The following WNK2 variants were observed in gnomAD, a reference collection of about 807,000 sequenced individuals.
WNK2 encodes the protein WNK lysine deficient protein kinase 2.
Under a neutral mutation model 192.1 loss-of-function variants are expected in WNK2, and 67 were observed. That is an observed-to-expected ratio of 0.35 (90% CI 0.29 to 0.43). The LOEUF (loss-of-function observed/expected upper bound fraction) is 0.43, where lower values mean the gene tolerates loss of function less well. Among genes scored for constraint, WNK2 ranks in the 20% least tolerant of loss-of-function variants. WNK2 has a pLI of 1.00. For missense variants in WNK2, 2,698 were observed against 3,089.7 expected (o/e 0.87, Z 3.01); for synonymous variants, 1,439 against 1,393.9 (o/e 1.03, Z -0.72).
Position 93,185,375 on chromosome 9 carries a change from C to T in WNK2, c.446C>T (p.Ala149Val), listed in dbSNP as rs774197543. 3 of 1,582,440 alleles carry T rather than the reference C, an allele frequency of 1.9e-6. No individual in the cohort carries two copies. Among genetic ancestry groups the T allele is most frequent in the African/African-American group, 1.3e-5 (1 of 74,244 alleles). Residue 149 changes from alanine to valine, a missense_variant, in exon 2 of 30, where the codon GCG becomes GTG. Around this residue, in one of 7 missense-constraint regions of WNK2, gnomAD observed 260 missense variants for 285.6 expected, o/e 0.91. Transcript: ENST00000427277. Reference sequence around the variant, plus strand: ...GGCGGCCCCAGGGAGGAGGCGGCGGCGACCGTGAGGAAGGAGGATGAGGGG... The same window carrying T: ...GGCGGCCCCAGGGAGGAGGCGGCGGTGACCGTGAGGAAGGAGGATGAGGGG... Reference protein sequence around the residue: ...PDGGPREEAAATVRKEDEGAA... With the variant: ...PDGGPREEAAVTVRKEDEGAA...
intron 9 of WNK2, among the ~76,000 whole-genome samples, chr9:93,254,073 C>T (rs757341005): frequency 3.9e-5 from 6 of 152,186 alleles, no homozygotes; most frequent in Admixed American, 1.3e-4. Flanking sequence ...CGCGCCACCA[C>T]GCCCAGCTAA....
intron 28 of WNK2, among the ~76,000 whole-genome samples, chr9:93,314,186 G>A (rs1408023214): frequency 6.6e-6 from 1 of 152,206 alleles, no homozygotes; most frequent in Non-Finnish European, 1.5e-5. Context: ...GGAGGCTGAG[G>A]CAGGAGAATC....
intron 2 of WNK2, among the ~76,000 whole-genome samples, chr9:93,203,080 T>G (rs1587844333): frequency 1.4e-5 from 2 of 140,178 alleles, no homozygotes; most frequent in East Asian, 2.1e-4. Context: ...CCTTGTGGGG[T>G]GGGGCAGTGA....
Position 93,256,350 on chromosome 9 carries a change from C to A in WNK2, c.2086C>A (p.Gln696Lys), listed in dbSNP as rs766771815. 1.9e-6 allele frequency: 3 copies of A among 1,586,210 alleles called. No homozygotes were observed. Among genetic ancestry groups the A allele is most frequent in the Non-Finnish European group, 2.6e-6 (3 of 1,172,564 alleles). ...GGCCCCCGCCTGCCCTCCGTCCCTC[C>A]AGCAGCACTTCCCGGATCCGGCCAT... ...VPAPACPPSL[Q>K]QHFPDPAMSF... Residue 696 changes from glutamine (Q) to lysine (K), a missense_variant, in exon 10 of 30, where the codon CAG becomes AAG. Around this residue, in one of 7 missense-constraint regions of WNK2, gnomAD observed 893 missense variants for 909.0 expected, o/e 0.98. Coordinates refer to ENST00000427277, the MANE Select transcript of WNK2 (RefSeq NM_006648.4).
chr9:93,201,114 C>T (rs1168510982), intron 2 of WNK2, among the ~76,000 whole-genome samples: 1 of 152,160 alleles, frequency 6.6e-6, no homozygotes, highest in Non-Finnish European at 1.5e-5. Context: ...GTCCTGGTAC[C>T]ACCCATCCTT....
In WNK2 at chr9:93,264,111, A is replaced by G. The variant is rs74768051; in HGVS notation, c.3696+78A>G. 4,432 of 1,131,768 alleles carry G rather than the reference A, an allele frequency of 3.9e-3. 81 individuals are homozygous for G. In the East Asian group the frequency reaches 0.042, roughly 11 times the overall value. 70.1% of individuals were successfully genotyped at this position (1,131,768 alleles called of 1,614,324 possible). On this transcript the variant is annotated intron_variant, in intron 16 of 29. Coordinates refer to ENST00000427277, the MANE Select transcript of WNK2 (RefSeq NM_006648.4). ...GCCTGAGCAGAGCGCCACAGGTCACATGTCGAGCCTGGCCTTGTGTGGAGG... is the reference window on the plus strand; with the variant it reads ...GCCTGAGCAGAGCGCCACAGGTCACGTGTCGAGCCTGGCCTTGTGTGGAGG...
At chr9:93,246,901 G>C (rs969779307) in intron 7 of WNK2, among the ~76,000 whole-genome samples, 1 of 152,194 alleles carries the variant, frequency 6.6e-6, no homozygotes, top group Non-Finnish European at 1.5e-5. Flanking sequence ...CCTTCAAAAG[G>C]GATCTCTTTT....
intron 2 of WNK2, among the ~76,000 whole-genome samples, chr9:93,206,959 C>T (rs1833504904): frequency 6.6e-6 from 1 of 152,154 alleles, no homozygotes; most frequent in African/African-American, 2.4e-5. Context: ...GACTCCCTGG[C>T]CCTGTCTCTT....
chr9:93,287,487 G>A (rs367643104), intron 19 of WNK2, among the ~76,000 whole-genome samples: 2 of 152,150 alleles, frequency 1.3e-5, no homozygotes, highest in African/African-American at 4.8e-5. Flanking sequence ...TCACAAACAC[G>A]GTGAGAGAGG....
chr9:93,190,037 T>G (rs1323841602), intron 2 of WNK2, among the ~76,000 whole-genome samples: 2 of 152,230 alleles, frequency 1.3e-5, no homozygotes, highest in East Asian at 3.8e-4. Context: ...CTGAAGTGCT[T>G]AATTTTATTG....
At chr9:93,309,993 G>A (rs1209979846) in intron 28 of WNK2, among the ~76,000 whole-genome samples, 4 of 152,232 alleles carry the variant, frequency 2.6e-5, no homozygotes, top group African/African-American at 9.6e-5. Flanking sequence ...GTTTTCGTGT[G>A]GCTGCACTGT....
Position 93,267,847 on chromosome 9 carries a change from C to A in WNK2, c.3798C>A (p.Asp1266Glu). 1 of 1,612,010 alleles carries A rather than the reference C, an allele frequency of 6.2e-7. No homozygotes were observed. Among genetic ancestry groups the A allele is most frequent in the Non-Finnish European group, 8.5e-7 (1 of 1,179,266 alleles). ...AGGACATGCTCAGCGAGGACACAGACGCCGACCGTGGCTCCGACCCAGGGA... is the reference window on the plus strand; with the variant it reads ...AGGACATGCTCAGCGAGGACACAGAAGCCGACCGTGGCTCCGACCCAGGGA... ...KAEDMLSEDT[D>E]ADRGSDPGTS... Residue 1266 changes from aspartate (D) to glutamate (E), a missense_variant, in exon 17 of 30, where the codon GAC becomes GAA. By Grantham distance (45) the Asp-to-Glu change is conservative. This residue lies in a region of WNK2 where 1,098 missense variants were observed against 1,101.0 expected (regional missense o/e 1.00). Transcript: ENST00000427277.
In WNK2 at chr9:93,292,415, C is replaced by T. The variant is rs1299271800; in HGVS notation, c.5025+19C>T. The stretch of plus-strand genomic sequence containing the variant: ...CCCCCAGGTAAGGGCGACTTGACGA[C>T]CCCCTGGCTGGTTGGCAGGGTTTGC... On this transcript the variant is annotated intron_variant, in intron 22 of 29. Coordinates refer to ENST00000427277, the MANE Select transcript of WNK2 (RefSeq NM_006648.4). 6.2e-7 allele frequency: 1 copy of T among 1,613,830 alleles called. No individual in the cohort carries two copies. The highest frequency in any genetic ancestry group is 8.5e-7 in the Non-Finnish European group (1 of 1,179,792).
chr9:93,233,317 C>T (rs1273445325), intron 4 of WNK2, among the ~76,000 whole-genome samples: 2 of 152,142 alleles, frequency 1.3e-5, no homozygotes, highest in Non-Finnish European at 2.9e-5. Flanking sequence ...CCTGTTGTTT[C>T]TCATGGGTTC....
chr9:93,267,973 G>A (rs1277934160), intron 17 of WNK2, 47 bp from the exon 18 acceptor site: 6 of 1,606,510 alleles, frequency 3.7e-6, no homozygotes, highest in Admixed American at 1.7e-5. Context: ...TGGGCAGGTG[G>A]GCGCTGCAGC....
chr9:93,203,947 T>C (rs1832924091), intron 2 of WNK2, among the ~76,000 whole-genome samples: 1 of 152,098 alleles, frequency 6.6e-6, no homozygotes, highest in Admixed American at 6.5e-5. Flanking sequence ...TCCCGAGGGC[T>C]TCCTAGACAA....
chr9:93,232,331 G>A (rs1184365251), intron 4 of WNK2, among the ~76,000 whole-genome samples: 1 of 152,184 alleles, frequency 6.6e-6, no homozygotes, highest in Non-Finnish European at 1.5e-5. Flanking sequence ...GTGGTGGAGC[G>A]TAGGGGCTGA....
At chr9:93,198,211 C>G (rs1300402144) in intron 2 of WNK2, among the ~76,000 whole-genome samples, 3 of 152,214 alleles carry the variant, frequency 2.0e-5, no homozygotes, top group Non-Finnish European at 4.4e-5. Flanking sequence ...CTCAGGATCG[C>G]CCAGCTCCCT....
intron 7 of WNK2, among the ~76,000 whole-genome samples, chr9:93,245,194 G>A (rs187726665): frequency 2.6e-3 from 401 of 152,284 alleles, no homozygotes; most frequent in African/African-American, 9.1e-3. Context: ...TATTTTCCAC[G>A]AACCATTTGA....
Sources: gnomAD v4.1 joint callset for allele counts (sites outside exome capture counted in the v4.1 genomes callset) on GRCh38, gnomAD v4.1.1 for gene constraint, gnomAD v4.1.1 regional missense constraint, MANE v1.5 for transcripts, NCBI Gene and HGNC (gene_info 2026-07-23, HGNC 2026-07-21) for gene names.